SYT9: variants seen among roughly 807,000 people sequenced by gnomAD.
SYT9 encodes synaptotagmin 9, also known as synaptotagmin-9.
Under a neutral mutation model 48.4 loss-of-function variants are expected in SYT9, and 22 were observed. The observed-to-expected ratio is 0.45, with a 90% CI of 0.32 to 0.65. The LOEUF is 0.65. SYT9 is among the 30% of genes least tolerant of loss of function. The pLI is 0.03. For missense variants in SYT9, 577 were observed against 622.0 expected (o/e 0.93, Z 0.77); for synonymous variants, 265 against 245.0 (o/e 1.08, Z -0.76).
intron 1 of SYT9, among the ~76,000 whole-genome samples, chr11:7,282,062 C>T (rs1424516644): frequency 2.0e-5 from 3 of 152,174 alleles, no homozygotes; most frequent in African/African-American, 7.2e-5. Flanking sequence ...CTGCTGTGGA[C>T]ATTGGCCATG....
At chr11:7,287,654 G>A (rs2133913507) in intron 1 of SYT9, among the ~76,000 whole-genome samples, 1 of 152,252 alleles carries the variant, frequency 6.6e-6, no homozygotes, top group East Asian at 1.9e-4. Context: ...AGGCGAGAAG[G>A]CATTCTCTCA....
chr11:7,398,030 A>G (rs929038722), intron 3 of SYT9, among the ~76,000 whole-genome samples: 1 of 152,236 alleles, frequency 6.6e-6, no homozygotes, highest in African/African-American at 2.4e-5. Flanking sequence ...ATGAGAGCAG[A>G]CATCCTCCCA....
intron 5 of SYT9, among the ~76,000 whole-genome samples, chr11:7,420,055 C>G (rs1054634893): frequency 3.9e-5 from 6 of 152,154 alleles, no homozygotes; most frequent in African/African-American, 1.4e-4. Flanking sequence ...GATCCATAAG[C>G]CTCCTTCACT....
At chr11:7,340,007 T>G (rs948269736) in intron 3 of SYT9, among the ~76,000 whole-genome samples, 1 of 152,242 alleles carries the variant, frequency 6.6e-6, no homozygotes, top group African/African-American at 2.4e-5. Context: ...ATTAATAGAT[T>G]TGGCCTGTTT....
intron 3 of SYT9, among the ~76,000 whole-genome samples, chr11:7,397,111 A>G (rs1238096970): frequency 6.6e-6 from 1 of 152,082 alleles, no homozygotes; most frequent in Non-Finnish European, 1.5e-5. Flanking sequence ...GTTTTCTTGT[A>G]GAAGATTCAT....
intron 1 of SYT9, among the ~76,000 whole-genome samples, chr11:7,240,084 G>T (rs12708351): frequency 1.3e-5 from 2 of 151,924 alleles, no homozygotes; most frequent in South Asian, 2.1e-4. Context: ...GTGGCATGCC[G>T]ACAGTTAGAG....
At position 7,319,522 on chromosome 11, in the gene SYT9, G is replaced by A. The variant is rs187625924; in HGVS notation, c.1044+5581G>A. ...CAGACCCCATAACACTAGCTCAGTG[G>A]TAATTTGGGTATGAATGTTTTAAAT... On this transcript the variant is annotated intron_variant, in intron 3 of 6. Transcript: ENST00000318881. Among the ~76,000 whole-genome samples the A allele has an allele frequency of 3.6e-3, 542 of 152,232 alleles. 5 individuals carry two copies. Among genetic ancestry groups the A allele is most frequent in the African/African-American group, 0.013 (523 of 41,524 alleles).
intron 3 of SYT9, among the ~76,000 whole-genome samples, chr11:7,384,102 C>A (rs1462155390): frequency 6.6e-6 from 1 of 151,184 alleles, no homozygotes; most frequent in Non-Finnish European, 1.5e-5. Flanking sequence ...ACCCTCACAC[C>A]TTACTTCCCT....
intron 6 of SYT9, among the ~76,000 whole-genome samples, chr11:7,451,969 G>A (rs1261406215): frequency 6.6e-6 from 1 of 152,090 alleles, no homozygotes; most frequent in African/African-American, 2.4e-5. Flanking sequence ...CAACTCTAGA[G>A]AAAGAGATAG....
At chr11:7,255,232 C>A (rs1453877569) in intron 1 of SYT9, among the ~76,000 whole-genome samples, 3 of 152,254 alleles carry the variant, frequency 2.0e-5, no homozygotes, top group Admixed American at 6.5e-5. Context: ...GAACAGCAAG[C>A]GCAAAGGCCC....
At chr11:7,366,008 T>G in intron 3 of SYT9, among the ~76,000 whole-genome samples, 1 of 152,186 alleles carries the variant, frequency 6.6e-6, no homozygotes, top group East Asian at 1.9e-4. Flanking sequence ...AAAGTCCTAC[T>G]TGCTTTGGTT....
chr11:7,351,035 A>G (rs1157065917), intron 3 of SYT9, among the ~76,000 whole-genome samples: 1 of 152,224 alleles, frequency 6.6e-6, no homozygotes, highest in Non-Finnish European at 1.5e-5. Flanking sequence ...TTTGTCTTAA[A>G]AAAAGTCAAG....
chr11:7,267,034 A>G (rs1258440791), intron 1 of SYT9, among the ~76,000 whole-genome samples: 1 of 152,104 alleles, frequency 6.6e-6, no homozygotes, highest in Non-Finnish European at 1.5e-5. Flanking sequence ...TAACATTCCT[A>G]TAAAAAACAT....
At chr11:7,369,101 A>G (rs993439283) in intron 3 of SYT9, among the ~76,000 whole-genome samples, 2 of 152,224 alleles carry the variant, frequency 1.3e-5, no homozygotes, top group African/African-American at 4.8e-5. Context: ...TCCCATCAAC[A>G]GTGTAAAAGC....
intron 6 of SYT9, among the ~76,000 whole-genome samples, chr11:7,432,837 T>C (rs528385024): frequency 9.9e-5 from 15 of 151,864 alleles, no homozygotes; most frequent in Middle Eastern, 6.8e-3. Flanking sequence ...GACTTTGGAC[T>C]TTGAACTTCT....
rs536679920 is a variant in SYT9, at chr11:7,375,865, G to T, written c.1045-40177G>T. Among the ~76,000 whole-genome samples the T allele has an allele frequency of 4.6e-5, 7 of 152,138 alleles. No individual in the cohort carries two copies. In the East Asian group the frequency reaches 1.4e-3, roughly 29 times the overall value. On this transcript the variant is annotated intron_variant, in intron 3 of 6. Coordinates refer to ENST00000318881, the MANE Select transcript of SYT9 (RefSeq NM_175733.4). ...TAGCCACACTAGCCTCCATGCTGTT[G>T]CTCAGGGTTGTTTTCCCTGCCTGAA... is the stretch of plus-strand genomic sequence containing the variant.
At chr11:7,320,734 A>G (rs1180174776) in intron 3 of SYT9, among the ~76,000 whole-genome samples, 4 of 152,208 alleles carry the variant, frequency 2.6e-5, no homozygotes. Context: ...AATAAAAATT[A>G]ATCCTCATGC....
intron 6 of SYT9, chr11:7,444,434 G>C (rs1847892504): frequency 6.6e-6 from 1 of 152,114 alleles, no homozygotes; most frequent in Non-Finnish European, 1.5e-5. Flanking sequence ...TATAATTTTG[G>C]CCTCAGACAG....
intron 2 of SYT9, among the ~76,000 whole-genome samples, chr11:7,309,399 C>G (rs1417967095): frequency 1.3e-5 from 2 of 152,182 alleles, no homozygotes; most frequent in African/African-American, 4.8e-5. Flanking sequence ...ACGGGACTCC[C>G]CAGACCTACT....
Sources: gnomAD v4.1 joint callset for allele counts (sites outside exome capture counted in the v4.1 genomes callset) on GRCh38, gnomAD v4.1.1 for gene constraint, MANE v1.5 for transcripts, NCBI Gene and HGNC (gene_info 2026-07-23, HGNC 2026-07-21) for gene names.